PDE5A: variants seen among roughly 807,000 people sequenced by gnomAD.
The protein encoded by PDE5A is cGMP-specific 3',5'-cyclic phosphodiesterase.
PDE5A carries 67 observed loss-of-function variants against 110.2 expected under a neutral mutation model. The observed-to-expected ratio is 0.61, with a 90% confidence interval of 0.50 to 0.75. The LOEUF is 0.75. Ranked by LOEUF, PDE5A falls within the 30% of genes least tolerant of loss-of-function variation. The pLI is 0.00. For missense variants in PDE5A, 862 were observed against 1,045.1 expected, an observed-to-expected ratio of 0.82 and a Z score of 2.42; for synonymous variants, 328 against 351.2, an observed-to-expected ratio of 0.93 and a Z score of 0.74.
chr4:119,605,759 A>T (rs1002418306), intron 2 of PDE5A, among the ~76,000 whole-genome samples: 2 of 151,894 alleles, frequency 1.3e-5, no homozygotes. Flanking sequence ...TATGCTATTT[A>T]TCTATTGCAT....
chr4:119,583,266 G>A (rs573574512), intron 3 of PDE5A, among the ~76,000 whole-genome samples: 5 of 152,206 alleles, frequency 3.3e-5, no homozygotes, highest in Admixed American at 1.3e-4. Flanking sequence ...GCTTCTTTCC[G>A]TAAACCTCAC....
intron 3 of PDE5A, among the ~76,000 whole-genome samples, chr4:119,588,893 T>G (rs1048495957): frequency 2.0e-5 from 3 of 152,230 alleles, no homozygotes; most frequent in Non-Finnish European, 4.4e-5. Flanking sequence ...TCCTAAATTC[T>G]TGATTTTAAC....
chr4:119,579,006 A>G (rs924323482), intron 3 of PDE5A, among the ~76,000 whole-genome samples: 1 of 151,914 alleles, frequency 6.6e-6, no homozygotes, highest in African/African-American at 2.4e-5. Context: ...AAAACAAACA[A>G]CCCCATCAAA....
chr4:119,538,791 AG>A, intron 11 of PDE5A, 168 bp downstream of exon 11: 1 of 643,970 alleles, frequency 1.6e-6, no homozygotes, highest in Admixed American at 2.3e-5. Context: ...TTACACAGTC[AG>A]TATAAGTTAT....
chr4:119,598,800 T>C (rs1186393106), intron 2 of PDE5A, among the ~76,000 whole-genome samples: 2 of 152,158 alleles, frequency 1.3e-5, no homozygotes, highest in African/African-American at 4.8e-5. Flanking sequence ...TCCAAACTTC[T>C]GAAGTGGTTG....
rs1182906669 is a variant in PDE5A at position 119,599,744 on chromosome 4, CACACAT to C, written c.742-3138_742-3133del. On this transcript the variant is annotated intron_variant, in intron 2 of 20. Coordinates refer to ENST00000354960, the MANE Select transcript of PDE5A (RefSeq NM_001083.4). ...ACACACACACACACACACACACACA[CACACAT>C]ACATATATTTGGAGTCCCAAAGATA... Among the ~76,000 whole-genome samples, 811 of 149,968 alleles carry C rather than the reference CACACAT, an allele frequency of 5.4e-3. 7 individuals are homozygous for C. Among genetic ancestry groups the C allele is most frequent in the African/African-American group, 0.019 (751 of 40,582 alleles).
Position 119,627,300 on chromosome 4 carries a change from C to T in PDE5A, c.152+1220G>A. 1 of 1,313,544 alleles carries T rather than the reference C, an allele frequency of 7.6e-7. No individual in the cohort carries two copies. The highest frequency in any genetic ancestry group is 9.8e-7 in the Non-Finnish European group (1 of 1,017,800). 81.4% of individuals were successfully genotyped at this position (1,313,544 alleles called of 1,614,324 possible). On this transcript the variant is annotated intron_variant, in intron 1 of 20. Transcript: ENST00000354960. This position sits in a 1 kb window ranked among gnomAD's most constrained non-coding sequence, Gnocchi z 4.6. ...CGACTCAGAACCAGCTCCCTCACGGCCCCGGCCTCCGCGCCGCCGCCCGTC... is the reference window on the plus strand; with the variant it reads ...CGACTCAGAACCAGCTCCCTCACGGTCCCGGCCTCCGCGCCGCCGCCCGTC...
chr4:119,574,225 C>CAGGCT (rs990413097), intron 3 of PDE5A, among the ~76,000 whole-genome samples: 1 of 144,362 alleles, frequency 6.9e-6, no homozygotes, highest in Non-Finnish European at 1.5e-5. Context: ...CTCTGTCGCC[C>CAGGCT]AGGCTGGAGT....
At chr4:119,508,921 CAT>C (rs1269864266) in intron 15 of PDE5A, among the ~76,000 whole-genome samples, 6 of 151,888 alleles carry the variant, frequency 4.0e-5, no homozygotes, top group African/African-American at 1.5e-4. Context: ...TAAGTAACAA[CAT>C]ATTACATAAT....
chr4:119,520,839 CATT>C, intron 13 of PDE5A, 93 bp downstream of exon 13: 1 of 1,005,134 alleles, frequency 9.9e-7, no homozygotes, highest in South Asian at 1.9e-5. Flanking sequence ...TATTTTAAAT[CATT>C]GTGCACCTTA....
chr4:119,503,527 G>C (rs769250948), intron 18 of PDE5A, among the ~76,000 whole-genome samples: 2 of 152,092 alleles, frequency 1.3e-5, no homozygotes, highest in African/African-American at 2.4e-5. Context: ...AGCGTAGAAG[G>C]CTAACCATAA....
chr4:119,521,204 A>T, intron 12 of PDE5A, 144 bp from the exon 13 acceptor site: 2 of 870,142 alleles, frequency 2.3e-6, no homozygotes, highest in Non-Finnish European at 3.4e-6. Flanking sequence ...ACACTCAGAG[A>T]GGTAACTTGC....
chr4:119,596,487 T>C, intron 3 of PDE5A, 36 bp downstream of exon 3: 1 of 1,174,056 alleles, frequency 8.5e-7, no homozygotes, highest in South Asian at 1.5e-5. Context: ...GAAAAATATT[T>C]CCAATGACCT....
intron 3 of PDE5A, among the ~76,000 whole-genome samples, chr4:119,583,977 T>C (rs1728673080): frequency 6.6e-6 from 1 of 152,220 alleles, no homozygotes; most frequent in Non-Finnish European, 1.5e-5. Context: ...GGGAAAACTT[T>C]AATGATTCTG....
chr4:119,610,873 T>G (rs1022615196), intron 1 of PDE5A, among the ~76,000 whole-genome samples: 2 of 152,198 alleles, frequency 1.3e-5, no homozygotes, highest in Non-Finnish European at 2.9e-5. Flanking sequence ...TTAATCTCTC[T>G]GATCCTATAC....
At chr4:119,583,493 C>T (rs1379152582) in intron 3 of PDE5A, among the ~76,000 whole-genome samples, 4 of 145,160 alleles carry the variant, frequency 2.8e-5, no homozygotes, top group Non-Finnish European at 4.7e-5. Flanking sequence ...GTGGCACTTA[C>T]AGTCTCCTTC....
intron 3 of PDE5A, among the ~76,000 whole-genome samples, chr4:119,570,129 A>G (rs1222722385): frequency 6.6e-6 from 1 of 152,196 alleles, no homozygotes; most frequent in Non-Finnish European, 1.5e-5. Context: ...ATAAAAGACA[A>G]ATTAACAGTT....
chr4:119,565,442 G>T, intron 4 of PDE5A, 32 bp from the exon 5 acceptor site: 1 of 1,463,470 alleles, frequency 6.8e-7, no homozygotes, highest in South Asian at 1.1e-5. Flanking sequence ...AATAAAAACG[G>T]TACATAAAAC....
intron 3 of PDE5A, among the ~76,000 whole-genome samples, chr4:119,570,444 C>A (rs1227239383): frequency 6.6e-6 from 1 of 152,156 alleles, no homozygotes; most frequent in Non-Finnish European, 1.5e-5. Context: ...GGGCACTCCA[C>A]GCTATTTCTG....
Sources: allele counts gnomAD v4.1 joint callset (sites outside exome capture counted in the v4.1 genomes callset), GRCh38; gene constraint gnomAD v4.1.1; non-coding constraint Gnocchi (gnomAD v3.1); transcripts MANE v1.5; gene names NCBI Gene and HGNC (gene_info 2026-07-23, HGNC 2026-07-21).